ZFYVE9: variants seen among roughly 807,000 people sequenced by gnomAD.
The protein encoded by ZFYVE9 is zinc finger FYVE-type containing 9.
A neutral mutation model predicts 126.7 loss-of-function variants in ZFYVE9; 43 were observed. The ratio of observed to expected loss-of-function variants is 0.34; its 90% confidence interval spans 0.27 to 0.44. The LOEUF is 0.44. Ranked by LOEUF, ZFYVE9 falls within the 20% of genes least tolerant of loss-of-function variation. ZFYVE9 has a pLI of 1.00. For missense variants in ZFYVE9, 1,476 were observed against 1,697.0 expected, an observed-to-expected ratio of 0.87 and a Z score of 2.29; for synonymous variants, 521 against 597.4, an observed-to-expected ratio of 0.87 and a Z score of 1.87.
chr1:52,311,802 T>TA (rs1428212864), intron 13 of ZFYVE9, among the ~76,000 whole-genome samples: 2 of 152,102 alleles, frequency 1.3e-5, no homozygotes, highest in Non-Finnish European at 2.9e-5. Context: ...TTTATTTATT[T>TA]TTTTTTTAGA....
chr1:52,156,589 A>G (rs1383261020), intron 1 of ZFYVE9, among the ~76,000 whole-genome samples: 1 of 152,198 alleles, frequency 6.6e-6, no homozygotes. Flanking sequence ...CCAACTGCCA[A>G]GTATGCCAAT....
chr1:52,189,679 T>C (rs938102172), intron 1 of ZFYVE9, among the ~76,000 whole-genome samples: 10 of 64,534 alleles, frequency 1.5e-4, no homozygotes, highest in African/African-American at 2.7e-4. Context: ...GGCCTTAGGT[T>C]GTTTTTTTTT....
chr1:52,346,387 G>C lies in ZFYVE9; in HGVS notation c.*166G>C. ...GGAGACGGGTGGGAAAGGGTGGTTG[G>C]GGGGACCGATGTTCCATAATTCTAA... is the stretch of plus-strand genomic sequence containing the variant. On this transcript the variant is annotated 3_prime_UTR_variant, in exon 19 of 19. Transcript: ENST00000287727. 2 of 701,238 alleles carry C rather than the reference G, an allele frequency of 2.9e-6. No individual in the cohort carries two copies. Among genetic ancestry groups the C allele is most frequent in the South Asian group, 3.2e-5 (1 of 31,548 alleles). 43.4% of individuals were successfully genotyped at this position (701,238 alleles called of 1,614,324 possible). A position where few individuals can be genotyped will look rare whatever the true frequency, so the allele number is the denominator to read the frequency against.
intron 7 of ZFYVE9, among the ~76,000 whole-genome samples, chr1:52,273,073 C>T (rs1298686702): frequency 6.6e-6 from 1 of 152,158 alleles, no homozygotes; most frequent in Non-Finnish European, 1.5e-5. Flanking sequence ...ATGGTGCGAT[C>T]TTAGCTCACT....
At position 52,320,497 on chromosome 1, in the gene ZFYVE9, C is replaced by T. The variant is rs113264422; in HGVS notation, c.3439-12271C>T. Among the ~76,000 whole-genome samples, 22 of 152,226 alleles carry T rather than the reference C, an allele frequency of 1.4e-4. 1 individual carries two copies. Among genetic ancestry groups the T allele is most frequent in the Middle Eastern group, 6.8e-3 (2 of 294 alleles). ...GCTTACAGATGCTCAATAGCTTTTC[C>T]GTAAAGATGCCAAGGCAGTTCATTA... On this transcript the variant is annotated intron_variant, in intron 13 of 18. Transcript: ENST00000287727.
intron 4 of ZFYVE9, among the ~76,000 whole-genome samples, chr1:52,240,660 C>A (rs1645324299): frequency 6.6e-6 from 1 of 152,094 alleles, no homozygotes; most frequent in South Asian, 2.1e-4. Flanking sequence ...CTCGGTCTTC[C>A]CCTCATGTCA....
chr1:52,222,577 A>G (rs1259703936), intron 2 of ZFYVE9, among the ~76,000 whole-genome samples: 1 of 152,200 alleles, frequency 6.6e-6, no homozygotes, highest in Non-Finnish European at 1.5e-5. Context: ...TTGGAGTGTT[A>G]TAAGGGGGCA....
chr1:52,188,841 A>G (rs1223184677), intron 1 of ZFYVE9, among the ~76,000 whole-genome samples: 1 of 152,106 alleles, frequency 6.6e-6, no homozygotes, highest in African/African-American at 2.4e-5. Context: ...CACCTGTTCA[A>G]AGTGTAGAAT....
At chr1:52,212,162 T>G (rs1355622550) in intron 1 of ZFYVE9, among the ~76,000 whole-genome samples, 2 of 152,240 alleles carry the variant, frequency 1.3e-5, no homozygotes, top group African/African-American at 4.8e-5. Flanking sequence ...TTTATTTTTT[T>G]GAGACAAGGT....
At chr1:52,186,612 C>T (rs1335002883) in intron 1 of ZFYVE9, among the ~76,000 whole-genome samples, 1 of 152,186 alleles carries the variant, frequency 6.6e-6, no homozygotes, top group Non-Finnish European at 1.5e-5. Flanking sequence ...ATAGCTTCAG[C>T]AAAGTTTCAG....
At chr1:52,215,842 TC>T (rs1645067181) in intron 1 of ZFYVE9, among the ~76,000 whole-genome samples, 1 of 152,122 alleles carries the variant, frequency 6.6e-6, no homozygotes, top group Non-Finnish European at 1.5e-5. Context: ...GGTTAATAGA[TC>T]CATTGCTTCT....
chr1:52,263,767 C>G lies in ZFYVE9; in HGVS notation c.2179-6C>G, dbSNP rs769641399. 6.9e-5 allele frequency: 85 copies of G among 1,230,892 alleles called. 1 individual carries two copies. Among genetic ancestry groups the G allele is most frequent in the Middle Eastern group, 1.9e-4 (1 of 5,140 alleles). 76.2% of individuals were successfully genotyped at this position (1,230,892 alleles called of 1,614,324 possible). A position where few individuals can be genotyped will look rare whatever the true frequency, so the allele number is the denominator to read the frequency against. On this transcript the variant is annotated splice_polypyrimidine_tract_variant and splice_region_variant and intron_variant, in intron 4 of 18. Coordinates refer to ENST00000287727, the MANE Select transcript of ZFYVE9 (RefSeq NM_004799.4). The stretch of plus-strand genomic sequence containing the variant: ...TTGTGTGTTCTTCCCCCCCCCCCCC[C>G]CACAGGTTTTCTGTGCTTCCTGCTG...
At chr1:52,254,178 G>T in intron 4 of ZFYVE9, 2 of 614,482 alleles carry the variant, frequency 3.3e-6, no homozygotes, top group East Asian at 3.0e-5. Context: ...TGTTCAATAA[G>T]GTGACTTTAA....
In ZFYVE9 at chr1:52,216,420, A is replaced by T; in HGVS notation, c.-91A>T. 1 of 398,552 alleles carries T rather than the reference A, an allele frequency of 2.5e-6. No individual in the cohort carries two copies. The highest frequency in any genetic ancestry group is 4.4e-6 in the Non-Finnish European group (1 of 225,992). The allele number at this position is 398,552 out of a possible 1,614,324, so 24.7% of individuals were successfully genotyped here. On this transcript the variant is annotated 5_prime_UTR_variant, in exon 2 of 19. Coordinates refer to ENST00000287727, the MANE Select transcript of ZFYVE9 (RefSeq NM_004799.4). ...AGGACTGGCTGGTGGTGCAGCAGAC[A>T]TCATGAGTAAGCACCGAGAAGTCTG...
intron 4 of ZFYVE9, among the ~76,000 whole-genome samples, chr1:52,260,201 T>C (rs563996012): frequency 6.6e-6 from 1 of 152,026 alleles, no homozygotes; most frequent in South Asian, 2.1e-4. Context: ...ATTATCAGTG[T>C]TTAAAAAAAA....
rs536452334 is a variant in ZFYVE9, at chr1:52,182,053, G to T, written c.-142-34316G>T. On this transcript the variant is annotated intron_variant, in intron 1 of 18. Coordinates refer to ENST00000287727, the MANE Select transcript of ZFYVE9 (RefSeq NM_004799.4). ...CCCCGTCCGGGAGGGAGGCGAGGGG[G>T]TCAGCCCCTCGCCCGGCCAGCTGCC... Among the ~76,000 whole-genome samples the T allele has an allele frequency of 4.8e-3, 731 of 151,234 alleles. 6 individuals are homozygous for T. The highest frequency in any genetic ancestry group is 0.017 in the African/African-American group (702 of 41,256).
intron 4 of ZFYVE9, among the ~76,000 whole-genome samples, chr1:52,258,307 G>A (rs1165399981): frequency 6.6e-6 from 1 of 152,114 alleles, no homozygotes; most frequent in Non-Finnish European, 1.5e-5. Context: ...TTAATTTTTA[G>A]AACTGACTTT....
intron 12 of ZFYVE9, among the ~76,000 whole-genome samples, chr1:52,300,314 G>A (rs998026343): frequency 6.6e-6 from 1 of 152,152 alleles, no homozygotes; most frequent in Non-Finnish European, 1.5e-5. Flanking sequence ...AGTCTTGGCT[G>A]GGCGTAGTGG....
At chr1:52,256,726 G>A (rs867737342) in intron 4 of ZFYVE9, among the ~76,000 whole-genome samples, 1 of 152,142 alleles carries the variant, frequency 6.6e-6, no homozygotes, top group African/African-American at 2.4e-5. Context: ...TTAAACAGGT[G>A]TTTAGACAGA....
Sources: allele counts gnomAD v4.1 joint callset (sites outside exome capture counted in the v4.1 genomes callset), GRCh38; gene constraint gnomAD v4.1.1; transcripts MANE v1.5; gene names NCBI Gene and HGNC (gene_info 2026-07-23, HGNC 2026-07-21).